FRMD4B: variants seen among roughly 807,000 people sequenced by gnomAD.
FRMD4B encodes FERM domain-containing protein 4B.
Under a neutral mutation model 141.5 loss-of-function variants are expected in FRMD4B, and 74 were observed. That is an observed-to-expected ratio of 0.52 (90% confidence interval 0.43 to 0.63). The LOEUF is 0.63. Ranked by LOEUF, FRMD4B falls within the 30% of genes least tolerant of loss-of-function variation. The pLI is 0.00. For synonymous variants in FRMD4B, 506 were observed against 467.9 expected (o/e 1.08, Z -1.05); for missense variants, 1,366 against 1,253.4 (o/e 1.09, Z -1.36).
intron 2 of FRMD4B, among the ~76,000 whole-genome samples, chr3:69,430,701 G>A (rs1705164711): frequency 6.6e-6 from 1 of 152,208 alleles, no homozygotes; most frequent in Non-Finnish European, 1.5e-5. Context: ...AGTAACGAGT[G>A]CTATAAAGAA....
chr3:69,281,836 A>ATAT (rs372129748), intron 5 of FRMD4B, among the ~76,000 whole-genome samples: 5,404 of 108,582 alleles, frequency 0.05, 189 homozygotes, highest in African/African-American at 0.11. Context: ...AAAAAAAAAA[A>ATAT]AAATATATAT....
intron 3 of FRMD4B, among the ~76,000 whole-genome samples, chr3:69,302,759 T>C (rs1701258127): frequency 6.6e-6 from 1 of 152,218 alleles, no homozygotes; most frequent in Non-Finnish European, 1.5e-5. Context: ...CAAGAGGATA[T>C]TGTTTAAAAA....
chr3:69,496,636 AAAGAGAGAGAGAGAGAG>A (rs1706399713), intron 1 of FRMD4B, among the ~76,000 whole-genome samples: 8 of 118,206 alleles, frequency 6.8e-5, no homozygotes, highest in African/African-American at 2.1e-4. Context: ...AGAGAGAGAG[AAAGAGAGAGAGAGAGAG>A]AGAGAGAGAG....
At chr3:69,172,062 G>T (rs1575575368) in intron 22 of FRMD4B, 81 bp from the exon 23 acceptor site, 2 of 1,355,670 alleles carry the variant, frequency 1.5e-6, no homozygotes, top group East Asian at 4.6e-5. Context: ...ATTTAAAGAA[G>T]TTAGTAGGAA....
At chr3:69,446,555 A>T (rs532319114) in intron 1 of FRMD4B, among the ~76,000 whole-genome samples, 3 of 151,944 alleles carry the variant, frequency 2.0e-5, no homozygotes, top group African/African-American at 7.2e-5. Context: ...CCAGTCTCGA[A>T]CTCACCTCAG....
chr3:69,225,844 T>C (rs897644380), intron 7 of FRMD4B, among the ~76,000 whole-genome samples: 1 of 151,918 alleles, frequency 6.6e-6, no homozygotes, highest in Non-Finnish European at 1.5e-5. Context: ...CTAAAGCCTA[T>C]TAGAGGGTAG....
intron 7 of FRMD4B, among the ~76,000 whole-genome samples, chr3:69,243,887 A>T (rs959987021): frequency 1.3e-5 from 2 of 152,132 alleles, no homozygotes; most frequent in African/African-American, 4.8e-5. Context: ...CTCTACTAAA[A>T]ACACAAACAA....
intron 1 of FRMD4B, among the ~76,000 whole-genome samples, chr3:69,368,579 T>C (rs184032314): frequency 6.6e-6 from 1 of 152,258 alleles, no homozygotes; most frequent in Admixed American, 6.5e-5. Context: ...ACATTTTGAG[T>C]ATGTCTCACT....
intron 5 of FRMD4B, 144 bp from the exon 6 acceptor site, chr3:69,250,243 G>A (rs2093453963): frequency 1.1e-5 from 8 of 722,022 alleles, no homozygotes; most frequent in South Asian, 4.4e-5. Context: ...GGAAAGTGGG[G>A]GGTGTGGAGA....
intron 2 of FRMD4B, among the ~76,000 whole-genome samples, chr3:69,402,826 A>G (rs892520504): frequency 6.6e-6 from 1 of 152,238 alleles, no homozygotes; most frequent in Non-Finnish European, 1.5e-5. Flanking sequence ...CACATGACAG[A>G]CAGTAAATCA....
intron 1 of FRMD4B, among the ~76,000 whole-genome samples, chr3:69,318,443 C>A (rs1701877333): frequency 6.6e-6 from 1 of 152,120 alleles, no homozygotes; most frequent in South Asian, 2.1e-4. Flanking sequence ...ATACAACAAC[C>A]AAGAGAGGCT....
intron 1 of FRMD4B, among the ~76,000 whole-genome samples, chr3:69,502,687 C>G (rs1408408710): frequency 6.6e-6 from 1 of 151,812 alleles, no homozygotes; most frequent in Non-Finnish European, 1.5e-5. Flanking sequence ...CAAATGGGGT[C>G]TAATTAAACT....
chr3:69,485,227 A>G (rs1029937227), intron 1 of FRMD4B, among the ~76,000 whole-genome samples: 9 of 152,130 alleles, frequency 5.9e-5, no homozygotes, highest in African/African-American at 2.2e-4. Flanking sequence ...CTTGGCCCCA[A>G]CTCCACTCAG....
At chr3:69,177,725 T>G (rs765235608) in intron 21 of FRMD4B, among the ~76,000 whole-genome samples, 6 of 152,234 alleles carry the variant, frequency 3.9e-5, no homozygotes, top group Non-Finnish European at 5.9e-5. Context: ...AATTCTCATA[T>G]ATTGCGAGAA....
At chr3:69,519,782 C>T (rs1466390347) in intron 1 of FRMD4B, among the ~76,000 whole-genome samples, 1 of 151,662 alleles carries the variant, frequency 6.6e-6, no homozygotes, top group Non-Finnish European at 1.5e-5. Flanking sequence ...GTCTTTTATC[C>T]CTCACCCCCT....
chr3:69,284,925 G>T (rs1338170583), intron 5 of FRMD4B, among the ~76,000 whole-genome samples: 21 of 152,344 alleles, frequency 1.4e-4, no homozygotes, highest in Admixed American at 1.3e-3. Context: ...ACTTTGGGAG[G>T]CTGAGGTGGG....
At chr3:69,189,790 CT>C (rs2092816354) in intron 18 of FRMD4B, 105 bp downstream of exon 18, 3 of 715,002 alleles carry the variant, frequency 4.2e-6, no homozygotes, top group Non-Finnish European at 4.8e-6. Context: ...GTTTATTCTA[CT>C]TTTTCTCAAA....
chr3:69,432,301 T>A (rs552189145), intron 2 of FRMD4B, among the ~76,000 whole-genome samples: 12 of 152,292 alleles, frequency 7.9e-5, no homozygotes, highest in African/African-American at 2.9e-4. Flanking sequence ...ATTGGAAATA[T>A]AGGAAATATG....
chr3:69,363,724 A>C (rs145703852), intron 1 of FRMD4B, among the ~76,000 whole-genome samples: 72 of 152,242 alleles, frequency 4.7e-4, no homozygotes, highest in African/African-American at 1.5e-3. Flanking sequence ...ACAGCTTTTT[A>C]AGAAATGGCT....
Sources: gnomAD v4.1 joint callset for allele counts (sites outside exome capture counted in the v4.1 genomes callset) on GRCh38, gnomAD v4.1.1 for gene constraint, MANE v1.5 for transcripts, NCBI Gene and HGNC (gene_info 2026-07-23, HGNC 2026-07-21) for gene names.